OXR1: variants seen among roughly 807,000 people sequenced by gnomAD.
The protein encoded by OXR1 is oxidation resistance protein 1.
In OXR1, 41 loss-of-function variants were observed where a neutral mutation model predicts 104.6. The observed-to-expected ratio is 0.39, with a 90% CI of 0.31 to 0.51. OXR1 has a LOEUF of 0.51. OXR1 is among the 20% of genes least tolerant of loss of function. The probability of loss-of-function intolerance (pLI) is 0.77; values close to 1 mark genes in which losing one functional copy is unlikely to be tolerated. For missense variants in OXR1, 955 were observed against 1,031.9 expected (o/e 0.93, Z 1.02); for synonymous variants, 348 against 348.4 (o/e 1.00, Z 0.01).
intron 4 of OXR1, among the ~76,000 whole-genome samples, chr8:106,681,792 T>G (rs1828180898): frequency 6.6e-6 from 1 of 152,324 alleles, no homozygotes; most frequent in South Asian, 2.1e-4. Context: ...TCCAAAATGC[T>G]GGAATTACAG....
At chr8:106,540,060 G>C (rs910637499) in intron 3 of OXR1, among the ~76,000 whole-genome samples, 1 of 152,112 alleles carries the variant, frequency 6.6e-6, no homozygotes, top group African/African-American at 2.4e-5. Flanking sequence ...AAAAAGTCAA[G>C]TATACATATA....
In OXR1 at chr8:106,740,456, C is replaced by T. The variant is rs750496297; in HGVS notation, c.2277C>T (p.Asp759=). Residue 759 remains aspartate, a synonymous_variant, in exon 14 of 17, where the codon GAC becomes GAT. Transcript: ENST00000517566. ...TTTATCGAACAATGACAGGTTTAGACACCCCAGTGCTGATGGTGATTAAAG... is the reference window on the plus strand; with the variant it reads ...TTTATCGAACAATGACAGGTTTAGATACCCCAGTGCTGATGGTGATTAAAG... ...KTLYRTMTGL[D]TPVLMVIKDS... is the part of the protein sequence containing the mutation. 8 of 1,612,858 alleles carry T rather than the reference C, an allele frequency of 5.0e-6. No homozygotes were observed. In the African/African-American group the frequency reaches 6.7e-5, roughly 13 times the overall value.
intron 2 of OXR1, among the ~76,000 whole-genome samples, chr8:106,501,356 A>G (rs1811794632): frequency 6.6e-6 from 1 of 152,212 alleles, no homozygotes; most frequent in African/African-American, 2.4e-5. Flanking sequence ...GAGGAGGAGC[A>G]TAGAGATGAA....
At chr8:106,567,932 G>A (rs940573179) in intron 3 of OXR1, among the ~76,000 whole-genome samples, 9 of 152,060 alleles carry the variant, frequency 5.9e-5, no homozygotes, top group African/African-American at 2.2e-4. Context: ...ATTGCTTCAT[G>A]ATTCAAATTA....
chr8:106,742,589 T>C (rs1406536074), intron 15 of OXR1: 4 of 251,420 alleles, frequency 1.6e-5, no homozygotes, highest in Non-Finnish European at 3.0e-5. Context: ...GGTACTGGTA[T>C]AAGAACAGAC....
At chr8:106,447,995 A>C in intron 2 of OXR1, 1 of 1,530,094 alleles carries the variant, frequency 6.5e-7, no homozygotes. Flanking sequence ...CCACACAGCT[A>C]TAAGGTTGCC....
chr8:106,570,824 C>G (rs556953933), intron 3 of OXR1, among the ~76,000 whole-genome samples: 2 of 152,106 alleles, frequency 1.3e-5, no homozygotes, highest in Non-Finnish European at 2.9e-5. Flanking sequence ...AATCTCATAC[C>G]TGCTATCTTA....
chr8:106,740,589 C>G, intron 14 of OXR1, 94 bp downstream of exon 14: 1 of 1,032,988 alleles, frequency 9.7e-7, no homozygotes, highest in Non-Finnish European at 1.4e-6. Context: ...TTTATTAGTG[C>G]ATTTTATTGT....
intron 2 of OXR1, among the ~76,000 whole-genome samples, chr8:106,496,767 C>T (rs1423702366): frequency 6.6e-6 from 1 of 152,162 alleles, no homozygotes; most frequent in Non-Finnish European, 1.5e-5. Flanking sequence ...TGCTAATATC[C>T]CTAGGGAGAC....
In OXR1 at chr8:106,619,668, A is replaced by T. The variant is rs569081181; in HGVS notation, c.221-59542A>T. 8.0e-4 allele frequency among the ~76,000 whole-genome samples: 122 copies of T among 152,330 alleles called. 1 individual carries two copies. The highest frequency in any genetic ancestry group is 2.8e-3 in the African/African-American group (117 of 41,584). ...TGCCTTTGTAATAAAAAAATACACA[A>T]GAAAGGATAAAAATTTTTAGTATTA... On this transcript the variant is annotated intron_variant, in intron 3 of 16. Coordinates refer to ENST00000517566, the MANE Select transcript of OXR1 (RefSeq NM_001198533.2).
intron 11 of OXR1, among the ~76,000 whole-genome samples, chr8:106,720,344 C>T (rs950567124): frequency 6.6e-6 from 1 of 152,158 alleles, no homozygotes; most frequent in East Asian, 1.9e-4. Context: ...TAGGTAGTTA[C>T]ATTGTGCAGT....
chr8:106,681,722 G>A (rs1828172103), intron 4 of OXR1, among the ~76,000 whole-genome samples: 1 of 151,972 alleles, frequency 6.6e-6, no homozygotes, highest in African/African-American at 2.4e-5. Flanking sequence ...ATGGGATTTT[G>A]CCATGTTGTC....
At chr8:106,425,532 G>GT (rs1399045376) in intron 2 of OXR1, among the ~76,000 whole-genome samples, 1 of 152,200 alleles carries the variant, frequency 6.6e-6, no homozygotes, top group Non-Finnish European at 1.5e-5. Context: ...CCAGGGATCA[G>GT]TAAGTCCGCA....
chr8:106,356,314 A>G (rs1815968975), intron 1 of OXR1, among the ~76,000 whole-genome samples: 1 of 152,178 alleles, frequency 6.6e-6, no homozygotes, highest in African/African-American at 2.4e-5. Flanking sequence ...TACAATTGCA[A>G]GTTTCCTGAA....
chr8:106,439,796 T>C (rs917169347), intron 2 of OXR1, among the ~76,000 whole-genome samples: 1 of 152,136 alleles, frequency 6.6e-6, no homozygotes, highest in Non-Finnish European at 1.5e-5. Context: ...AAGGGTTCAA[T>C]AAATTCATTG....
At chr8:106,446,330 AT>A (rs1171862362) in intron 2 of OXR1, among the ~76,000 whole-genome samples, 2 of 152,122 alleles carry the variant, frequency 1.3e-5, no homozygotes, top group Non-Finnish European at 2.9e-5. Context: ...TAGAAATCAA[AT>A]TTTTGAGGCC....
chr8:106,738,483 T>G (rs1170732008), intron 12 of OXR1, among the ~76,000 whole-genome samples: 1 of 152,068 alleles, frequency 6.6e-6, no homozygotes, highest in Non-Finnish European at 1.5e-5. Context: ...ACAAAATAAT[T>G]TAGCAAGAAT....
chr8:106,330,483 T>C (rs1214072081), intron 1 of OXR1, among the ~76,000 whole-genome samples: 3 of 152,192 alleles, frequency 2.0e-5, no homozygotes, highest in Admixed American at 2.0e-4. Flanking sequence ...ATCGGCCTGT[T>C]TCAAATAAAG....
intron 3 of OXR1, among the ~76,000 whole-genome samples, chr8:106,551,521 A>C (rs528172148): frequency 2.6e-5 from 4 of 152,140 alleles, no homozygotes; most frequent in Non-Finnish European, 5.9e-5. Context: ...TTGTGATAAC[A>C]ATTCAGTTTC....
Sources: gnomAD v4.1 joint callset for allele counts (sites outside exome capture counted in the v4.1 genomes callset) on GRCh38, gnomAD v4.1.1 for gene constraint, MANE v1.5 for transcripts, NCBI Gene and HGNC (gene_info 2026-07-23, HGNC 2026-07-21) for gene names.